KCTD5: variants seen among roughly 807,000 people sequenced by gnomAD.
KCTD5 encodes potassium channel tetramerization domain containing 5, also known as BTB/POZ domain-containing protein KCTD5.
Under a neutral mutation model 27.9 loss-of-function variants are expected in KCTD5, and 12 were observed. The ratio of observed to expected loss-of-function variants is 0.43; its 90% CI spans 0.28 to 0.70. KCTD5 has a LOEUF of 0.70. Ranked by LOEUF, KCTD5 falls within the 30% of genes least tolerant of loss-of-function variation. KCTD5 has a pLI of 0.19. For missense variants in KCTD5, 226 were observed against 274.8 expected, an observed-to-expected ratio of 0.82 and a Z score of 1.26; for synonymous variants, 147 against 121.4, an observed-to-expected ratio of 1.21 and a Z score of -1.39.
intron 3 of KCTD5, among the ~76,000 whole-genome samples, 187 bp downstream of exon 3, chr16:2,698,184 C>G (rs1235787474): frequency 6.6e-6 from 1 of 152,228 alleles, no homozygotes; most frequent in Non-Finnish European, 1.5e-5. Flanking sequence ...CCCAGGGTCC[C>G]TTGAAGGATC....
chr16:2,692,491 C>T (rs2067571017), intron 1 of KCTD5, among the ~76,000 whole-genome samples: 2 of 152,178 alleles, frequency 1.3e-5, no homozygotes, highest in Non-Finnish European at 2.9e-5. Context: ...GGGTAGCTTC[C>T]CTCTGCAGCT....
rs2067523640 is a variant in KCTD5, at chr16:2,682,706, C to G, written c.158C>G (p.Thr53Ser). The G allele has an allele frequency of 6.2e-7, 1 of 1,610,134 alleles. No homozygotes were observed. Among genetic ancestry groups the G allele is most frequent in the African/African-American group, 1.3e-5 (1 of 74,598 alleles). The change falls in exon 1 of 6, where the codon ACC becomes AGC. Residue 53 changes from threonine to serine, a missense_variant. Around this residue, in one of 2 missense-constraint regions of KCTD5, gnomAD observed 135 missense variants for 207.0 expected, o/e 0.65. Transcript: ENST00000301738. ...SKWVRLNVGG[T>S]YFLTTRQTLC... ...TGGGTCCGACTCAACGTCGGCGGCA[C>G]CTACTTCCTCACCACTCGGCAGACC...
At chr16:2,683,296 G>C (rs1263949745) in intron 1 of KCTD5, 1 of 153,202 alleles carries the variant, frequency 6.5e-6, no homozygotes, top group Non-Finnish European at 1.5e-5. Context: ...CTGGTGACTT[G>C]CATTTAGAGA....
intron 5 of KCTD5, among the ~76,000 whole-genome samples, chr16:2,706,723 GAGGAGGGGATCCCCGCA>G (rs904028538): frequency 6.6e-6 from 1 of 151,896 alleles, no homozygotes; most frequent in African/African-American, 2.4e-5. Context: ...TGGTACAGAT[GAGGAGGGGATCCCCGCA>G]GCGTGATCTG....
In KCTD5 at chr16:2,682,537, C is replaced by T; in HGVS notation, c.-12C>T. ...CCGGTGGAAGGGAGCTGTTGCGGGG[C>T]TTGCTGGGATCATGGCGGAGAATCA... On this transcript the variant is annotated 5_prime_UTR_variant, in exon 1 of 6. Transcript: ENST00000301738. 2.1e-6 allele frequency: 3 copies of T among 1,397,282 alleles called. No individual in the cohort carries two copies. Among genetic ancestry groups the T allele is most frequent in the East Asian group, 2.8e-5 (1 of 36,336 alleles). 86.6% of individuals were successfully genotyped at this position (1,397,282 alleles called of 1,614,324 possible).
At chr16:2,699,193 C>T (rs1281919725) in intron 3 of KCTD5, 4 of 456,088 alleles carry the variant, frequency 8.8e-6, no homozygotes, top group South Asian at 1.5e-5. Flanking sequence ...AGTGACTGTC[C>T]AGGATGTGGG....
intron 1 of KCTD5, among the ~76,000 whole-genome samples, chr16:2,688,202 T>G (rs1261240777): frequency 7.1e-6 from 1 of 141,360 alleles, no homozygotes; most frequent in Non-Finnish European, 1.5e-5. Flanking sequence ...GTACTTGGTT[T>G]TTATTATTAA....
rs999216857 is a variant in KCTD5 at position 2,688,222 on chromosome 16, TAA to T, written c.252+5424_252+5425del. 7.2e-3 allele frequency among the ~76,000 whole-genome samples: 959 copies of T among 133,424 alleles called. 15 individuals carry two copies. The highest frequency in any genetic ancestry group is 0.027 in the African/African-American group (904 of 33,374). 87.5% of individuals were successfully genotyped at this position (133,424 alleles called of 152,430 possible). ...TGGTTTTTATTATTAAATAAATAAATAAATAAATATATATATATATATATTTA... is the reference window on the plus strand; with the variant it reads ...TGGTTTTTATTATTAAATAAATAAATATAAATATATATATATATATATTTA... On this transcript the variant is annotated intron_variant, in intron 1 of 5. Transcript: ENST00000301738.
At chr16:2,699,119 A>C (rs1052089242) in intron 3 of KCTD5, 7 of 455,912 alleles carry the variant, frequency 1.5e-5, no homozygotes, top group African/African-American at 1.4e-4. Flanking sequence ...GGGACCCAGG[A>C]CCTCTGAACC....
intron 5 of KCTD5, among the ~76,000 whole-genome samples, chr16:2,703,535 A>C (rs1399384184): frequency 2.0e-5 from 3 of 152,142 alleles, no homozygotes; most frequent in African/African-American, 7.2e-5. Context: ...CTGGCCGGCC[A>C]CCAGCAGCCC....
At chr16:2,698,713 C>T (rs1055534264) in intron 3 of KCTD5, among the ~76,000 whole-genome samples, 26 of 152,272 alleles carry the variant, frequency 1.7e-4, no homozygotes, top group African/African-American at 4.8e-4. Flanking sequence ...CCTGTGCAGA[C>T]GCTCCTAGCC....
intron 4 of KCTD5, among the ~76,000 whole-genome samples, chr16:2,701,249 C>T (rs1036346880): frequency 1.3e-5 from 2 of 152,252 alleles, no homozygotes; most frequent in Admixed American, 1.3e-4. Context: ...TGTCCTCCCC[C>T]TTCCTTGATT....
chr16:2,682,847 T>C, intron 1 of KCTD5, 47 bp downstream of exon 1: 1 of 1,532,106 alleles, frequency 6.5e-7, no homozygotes, highest in Non-Finnish European at 8.7e-7. Context: ...CTTCCCGGCC[T>C]GCGGCTCCTG....
intron 1 of KCTD5, among the ~76,000 whole-genome samples, chr16:2,689,663 C>T (rs568189849): frequency 6.6e-6 from 1 of 151,856 alleles, no homozygotes; most frequent in East Asian, 1.9e-4. Context: ...CACCCTCATT[C>T]CTCACTGCCG....
At chr16:2,699,759 G>C in intron 3 of KCTD5, 62 bp from the exon 4 acceptor site, 1 of 1,504,560 alleles carries the variant, frequency 6.6e-7, no homozygotes. Context: ...ACCTGGGCTG[G>C]GGCCACAGGC....
intron 3 of KCTD5, 72 bp from the exon 4 acceptor site, chr16:2,699,749 A>T: frequency 1.1e-5 from 15 of 1,417,728 alleles, no homozygotes; most frequent in Non-Finnish European, 1.5e-5. Flanking sequence ...TCCCTGGGTC[A>T]CCTGGGCTGG....
intron 1 of KCTD5, among the ~76,000 whole-genome samples, 153 bp downstream of exon 1, chr16:2,682,953 A>G (rs1596218195): frequency 6.6e-6 from 1 of 151,932 alleles, no homozygotes; most frequent in African/African-American, 2.4e-5. Flanking sequence ...GCTCCTCCCC[A>G]GCTTGCCCCG....
chr16:2,708,530 G>C lies in KCTD5; in HGVS notation c.*1203G>C, dbSNP rs1338885390. On this transcript the variant is annotated 3_prime_UTR_variant, in exon 6 of 6. Coordinates refer to ENST00000301738, the MANE Select transcript of KCTD5 (RefSeq NM_018992.4). ...CCGGCTTCCCAAGGGGTACTGTGCA[G>C]ACTGACCACCGGCCTCCCGCCTGCA... The C allele has an allele frequency of 6.6e-6, 1 of 152,284 alleles. No individual in the cohort carries two copies. The highest frequency in any genetic ancestry group is 1.5e-5 in the Non-Finnish European group (1 of 68,076). The allele number at this position is 152,284 out of a possible 1,614,324, so 9.4% of individuals were successfully genotyped here.
chr16:2,700,429 A>AT (rs1378297398), intron 4 of KCTD5, among the ~76,000 whole-genome samples: 1 of 152,178 alleles, frequency 6.6e-6, no homozygotes, highest in African/African-American at 2.4e-5. Context: ...TGTGCAGGGC[A>AT]TGCCTTCTTC....
Sources: allele counts gnomAD v4.1 joint callset (sites outside exome capture counted in the v4.1 genomes callset), GRCh38; gene constraint gnomAD v4.1.1; regional missense constraint gnomAD v4.1.1; transcripts MANE v1.5; gene names NCBI Gene and HGNC (gene_info 2026-07-23, HGNC 2026-07-21).